LOXL3: variants seen among roughly 807,000 people sequenced by gnomAD.
LOXL3 encodes the protein lysyl oxidase like 3, also known as lysyl oxidase homolog 3.
Under a neutral mutation model 91.8 loss-of-function variants are expected in LOXL3, and 60 were observed. That is an observed-to-expected ratio of 0.65 (90% CI 0.53 to 0.81). The LOEUF (loss-of-function observed/expected upper bound fraction) is 0.81. Among genes scored for constraint, LOXL3 ranks in the 30% least tolerant of loss-of-function variants. The probability of loss-of-function intolerance (pLI) is 0.00; values close to 1 mark genes in which losing one functional copy is unlikely to be tolerated. For synonymous variants in LOXL3, 355 were observed against 387.6 expected (o/e 0.92, Z 0.99); for missense variants, 874 against 1,000.4 (o/e 0.87, Z 1.70).
In LOXL3 at chr2:74,536,256, C is replaced by T. The variant is rs1676013670; in HGVS notation, c.1093+35G>A. ...ATATGCCCCCCAGGAGCATGTACCTCCTTCCCTCTCCCTCCCACCTCCATG... is the reference window on the plus strand; with the variant it reads ...ATATGCCCCCCAGGAGCATGTACCTTCTTCCCTCTCCCTCCCACCTCCATG... On this transcript the variant is annotated intron_variant, in intron 6 of 13. Coordinates refer to ENST00000264094, the MANE Select transcript of LOXL3 (RefSeq NM_032603.5). This position sits in a 1 kb window ranked among gnomAD's most constrained non-coding sequence, Gnocchi z 4.5. The T allele has an allele frequency of 6.2e-7, 1 of 1,612,588 alleles. No homozygotes were observed. The highest frequency in any genetic ancestry group is 1.3e-5 in the African/African-American group (1 of 74,916).
At position 74,536,240 on chromosome 2, in the gene LOXL3, C is replaced by T; in HGVS notation, c.1093+51G>A. 6.2e-7 allele frequency: 1 copy of T among 1,611,124 alleles called. No homozygotes were observed. On this transcript the variant is annotated intron_variant, in intron 6 of 13. Coordinates refer to ENST00000264094, the MANE Select transcript of LOXL3 (RefSeq NM_032603.5). The surrounding 1 kb of genome is among the most constrained non-coding windows in gnomAD (Gnocchi z 4.5). ...CTAACCTTCCGAAGGAATATGCCCCCCAGGAGCATGTACCTCCTTCCCTCT... is the reference window on the plus strand; with the variant it reads ...CTAACCTTCCGAAGGAATATGCCCCTCAGGAGCATGTACCTCCTTCCCTCT...
At chr2:74,554,662 GA>G (rs1558634583), upstream of LOXL3, 1 of 1,311,896 alleles carries the variant, frequency 7.6e-7, no homozygotes, top group Non-Finnish European at 1.1e-6. This position sits in a 1 kb window ranked among gnomAD's most constrained non-coding sequence, Gnocchi z 4.9. Context: ...GGGGGCCGGG[GA>G]GGGGCGGAAA....
Position 74,534,689 on chromosome 2 carries a change from A to G in LOXL3, c.1665T>C (p.Ala555=), listed in dbSNP as rs1169042952. The G allele has an allele frequency of 6.2e-7, 1 of 1,614,190 alleles. No homozygotes were observed. The highest frequency in any genetic ancestry group is 8.5e-7 in the Non-Finnish European group (1 of 1,180,038). ...EDRPLHMLYC[A]AEENCLASSA... Reference sequence around the variant, plus strand: ...AGCTGGCCAGGCAGTTCTCTTCCGCAGCACAGTACAACATATGCAGGGGCC... The same window carrying G: ...AGCTGGCCAGGCAGTTCTCTTCCGCGGCACAGTACAACATATGCAGGGGCC... The change falls in exon 10 of 14, where the codon GCT becomes GCC. Residue 555 remains alanine, a synonymous_variant. Transcript: ENST00000264094.
At position 74,533,331 on chromosome 2, in the gene LOXL3, C is replaced by T. The variant is rs558392187; in HGVS notation, c.*275G>A. ...ATGAGCTGCTGCCATCTTTTGTGGG[C>T]AGTTAGTCAGGTGCTGCTCTTTGTG... On this transcript the variant is annotated 3_prime_UTR_variant, in exon 14 of 14. Coordinates refer to ENST00000264094, the MANE Select transcript of LOXL3 (RefSeq NM_032603.5). 36 of 531,282 alleles carry T rather than the reference C, an allele frequency of 6.8e-5. No homozygotes were observed. The African/African-American group carries it at 6.8e-4, about 10-fold the overall frequency. The allele number at this position is 531,282 out of a possible 1,614,324, so 32.9% of individuals were successfully genotyped here.
Position 74,533,835 on chromosome 2 carries a change from T to C in LOXL3, c.2188+47A>G, listed in dbSNP as rs138530991. The C allele has an allele frequency of 4.1e-4, 625 of 1,517,480 alleles. 1 individual carries two copies. The African/African-American group carries it at 8.1e-3, about 20-fold the overall frequency. 94.0% of individuals were successfully genotyped at this position (1,517,480 alleles called of 1,614,324 possible). ...CTATGGAAAAGAGAATGAACGTCTT[T>C]CCCTCCCATCCCCTAATCTTCCTGG... On this transcript the variant is annotated intron_variant, in intron 13 of 13. Transcript: ENST00000264094.
At position 74,550,436 on chromosome 2, in the gene LOXL3, C is replaced by A. The variant is rs548660805; in HGVS notation, c.314-88G>T. On this transcript the variant is annotated intron_variant, in intron 2 of 13. Coordinates refer to ENST00000264094, the MANE Select transcript of LOXL3 (RefSeq NM_032603.5). Reference sequence around the variant, plus strand: ...ATGTAGGGAAGAGTGAGTGCTGAGGCCTCCCACTTGGCCATGATGATCCCA... The same window carrying A: ...ATGTAGGGAAGAGTGAGTGCTGAGGACTCCCACTTGGCCATGATGATCCCA... 4.3e-6 allele frequency: 6 copies of A among 1,393,248 alleles called. No individual in the cohort carries two copies. The Admixed American group carries it at 1.2e-4, about 28-fold the overall frequency. The allele number at this position is 1,393,248 out of a possible 1,614,324, so 86.3% of individuals were successfully genotyped here.
In LOXL3 at chr2:74,535,193, G is replaced by C. The variant is rs1029818503; in HGVS notation, c.1579+99C>G. ...CACCCGGCGAAACTGGCTCTTTTAT[G>C]GGGAAGAAGTGCCCCTCCAGATTAC... is the stretch of plus-strand genomic sequence containing the variant. On this transcript the variant is annotated intron_variant, in intron 9 of 13. Coordinates refer to ENST00000264094, the MANE Select transcript of LOXL3 (RefSeq NM_032603.5). This position sits in a 1 kb window ranked among gnomAD's most constrained non-coding sequence, Gnocchi z 4.2. 1.5e-6 allele frequency: 2 copies of C among 1,377,914 alleles called. No homozygotes were observed. Among genetic ancestry groups the C allele is most frequent in the African/African-American group, 2.9e-5 (2 of 68,600 alleles). The allele number at this position is 1,377,914 out of a possible 1,614,324, so 85.4% of individuals were successfully genotyped here.
At position 74,552,463 on chromosome 2, in the gene LOXL3, C is replaced by T. The variant is rs371316114; in HGVS notation, c.172G>A (p.Val58Met). ...CATTCACCAGCTCGCTGTATCTCCA[C>T]GCGGCCCTCGTAGGGCTTCCTGGGG... ...GFPRKPYEGR[V>M]EIQRAGEWGT... Residue 58 changes from valine to methionine, a missense_variant, in exon 2 of 14, where the codon GTG becomes ATG. Physicochemically the swap from Val to Met is conservative, Grantham distance 21 (BLOSUM62 1). Coordinates refer to ENST00000264094, the MANE Select transcript of LOXL3 (RefSeq NM_032603.5). 19 of 1,613,690 alleles carry T rather than the reference C, an allele frequency of 1.2e-5. No homozygotes were observed. Among genetic ancestry groups the T allele is most frequent in the Admixed American group, 5.0e-5 (3 of 60,006 alleles).
At position 74,533,068 on chromosome 2, in the gene LOXL3, G is replaced by C; in HGVS notation, c.*538C>G. Reference sequence around the variant, plus strand: ...AGGTTCTGAGGGCACCGAGACAGAGGGTTAAATGAACCAGTGGGGGCAGGT... The same window carrying C: ...AGGTTCTGAGGGCACCGAGACAGAGCGTTAAATGAACCAGTGGGGGCAGGT... On this transcript the variant is annotated 3_prime_UTR_variant, in exon 14 of 14. Transcript: ENST00000264094. The C allele has an allele frequency of 7.2e-7, 1 of 1,396,026 alleles. No individual in the cohort carries two copies. Among genetic ancestry groups the C allele is most frequent in the Non-Finnish European group, 1.0e-6 (1 of 993,632 alleles). 86.5% of individuals were successfully genotyped at this position (1,396,026 alleles called of 1,614,324 possible). A position where few individuals can be genotyped will look rare whatever the true frequency, so the allele number is the denominator to read the frequency against.
At chr2:74,543,899 T>TAAAAAAAAAAAAAAAAAAAAAAAAA (rs1352260802) in intron 4 of LOXL3, among the ~76,000 whole-genome samples, 3 of 49,316 alleles carry the variant, frequency 6.1e-5, no homozygotes, top group Admixed American at 2.1e-4. Flanking sequence ...AGGCTCTGTC[T>TAAAAAAAAAAAAAAAAAAAAAAAAA]CAAAAAAAAA....
rs905352156 is a variant in LOXL3, at chr2:74,533,413, A to C, written c.*193T>G. 1 of 590,906 alleles carries C rather than the reference A, an allele frequency of 1.7e-6. No homozygotes were observed. Among genetic ancestry groups the C allele is most frequent in the African/African-American group, 1.9e-5 (1 of 53,742 alleles). 36.6% of individuals were successfully genotyped at this position (590,906 alleles called of 1,614,324 possible). ...GCTGGGCCTGGGAGCAAAGATTCCC[A>C]TGCTTGGCTACAGATACTGACAGCT... On this transcript the variant is annotated 3_prime_UTR_variant, in exon 14 of 14. Coordinates refer to ENST00000264094, the MANE Select transcript of LOXL3 (RefSeq NM_032603.5).
intron 4 of LOXL3, among the ~76,000 whole-genome samples, chr2:74,541,648 C>T (rs191549702): frequency 6.6e-6 from 1 of 152,224 alleles, no homozygotes; most frequent in East Asian, 1.9e-4. Flanking sequence ...CACCAATCAA[C>T]CTGGAGAGTT....
chr2:74,533,506 G>A lies in LOXL3; in HGVS notation c.*100C>T. 1 of 1,005,202 alleles carries A rather than the reference G, an allele frequency of 9.9e-7. No homozygotes were observed. Among genetic ancestry groups the A allele is most frequent in the Non-Finnish European group, 1.5e-6 (1 of 647,374 alleles). The allele number at this position is 1,005,202 out of a possible 1,614,324, so 62.3% of individuals were successfully genotyped here. A position where few individuals can be genotyped will look rare whatever the true frequency, so the allele number is the denominator to read the frequency against. ...ATCCATAGTGCATGGTCTGATGAGT[G>A]CGGTTGCTGACATGGGTTTCTTGGT... On this transcript the variant is annotated 3_prime_UTR_variant, in exon 14 of 14. Coordinates refer to ENST00000264094, the MANE Select transcript of LOXL3 (RefSeq NM_032603.5).
intron 2 of LOXL3, among the ~76,000 whole-genome samples, 176 bp from the exon 3 acceptor site, chr2:74,550,524 G>T (rs1208284986): frequency 1.3e-5 from 2 of 152,092 alleles, no homozygotes; most frequent in Admixed American, 1.3e-4. Flanking sequence ...TAGGAAGGGG[G>T]CATAAGATTG....
chr2:74,546,965 C>T (rs976676487), intron 4 of LOXL3, among the ~76,000 whole-genome samples: 1 of 152,092 alleles, frequency 6.6e-6, no homozygotes, highest in Non-Finnish European at 1.5e-5. Context: ...ATCCGCGCCT[C>T]GACCTCCCAA....
intron 2 of LOXL3, 37 bp downstream of exon 2, chr2:74,552,285 T>G (rs754048567): frequency 1.9e-6 from 3 of 1,565,164 alleles, no homozygotes; most frequent in Non-Finnish European, 2.6e-6. Context: ...TGGCCACACA[T>G]AGGAAATATC....
Position 74,533,245 on chromosome 2 carries a change from G to T in LOXL3, c.*361C>A. ...CCACCAAAAGGCTAGAGGTAAAGCT[G>T]TATCCCCCTAAACTTAGGGGAGATA... On this transcript the variant is annotated 3_prime_UTR_variant, in exon 14 of 14. Coordinates refer to ENST00000264094, the MANE Select transcript of LOXL3 (RefSeq NM_032603.5). The T allele has an allele frequency of 1.8e-6, 1 of 557,374 alleles. No individual in the cohort carries two copies. Among genetic ancestry groups the T allele is most frequent in the Non-Finnish European group, 3.2e-6 (1 of 313,524 alleles). 34.5% of individuals were successfully genotyped at this position (557,374 alleles called of 1,614,324 possible).
Position 74,536,982 on chromosome 2 carries a change from G to A in LOXL3, c.693-54C>T. 2 of 1,475,438 alleles carry A rather than the reference G, an allele frequency of 1.4e-6. No homozygotes were observed. The highest frequency in any genetic ancestry group is 1.9e-6 in the Non-Finnish European group (2 of 1,066,116). 91.4% of individuals were successfully genotyped at this position (1,475,438 alleles called of 1,614,324 possible). A position where few individuals can be genotyped will look rare whatever the true frequency, so the allele number is the denominator to read the frequency against. On this transcript the variant is annotated intron_variant, in intron 4 of 13. Coordinates refer to ENST00000264094, the MANE Select transcript of LOXL3 (RefSeq NM_032603.5). This position sits in a 1 kb window ranked among gnomAD's most constrained non-coding sequence, Gnocchi z 4.5. ...GGTAAAACAATGCTCCTGCCTCTTG[G>A]CCCCACAAACATCCTCCCACTTCAT...
At position 74,549,649 on chromosome 2, in the gene LOXL3, A is replaced by G. The variant is rs1038784938; in HGVS notation, c.478-66T>C. On this transcript the variant is annotated intron_variant, in intron 3 of 13. Transcript: ENST00000264094. This position sits in a 1 kb window ranked among gnomAD's most constrained non-coding sequence, Gnocchi z 5.3. ...ACCTTTCATGTGTCCCGCCGCCCTT[A>G]AGGAACCCTGCTTGGTGTGCCTGCT... 5.9e-6 allele frequency: 9 copies of G among 1,522,632 alleles called. No individual in the cohort carries two copies. The highest frequency in any genetic ancestry group is 8.0e-6 in the Non-Finnish European group (9 of 1,127,350). 94.3% of individuals were successfully genotyped at this position (1,522,632 alleles called of 1,614,324 possible). A position where few individuals can be genotyped will look rare whatever the true frequency, so the allele number is the denominator to read the frequency against.
Sources: gnomAD v4.1 joint callset for allele counts (sites outside exome capture counted in the v4.1 genomes callset) on GRCh38, gnomAD v4.1.1 for gene constraint, Gnocchi (gnomAD v3.1) non-coding constraint, MANE v1.5 for transcripts, NCBI Gene and HGNC (gene_info 2026-07-23, HGNC 2026-07-21) for gene names.